The following SPTLC1 variants were observed in gnomAD, a reference collection of about 807,000 sequenced individuals.
SPTLC1 encodes serine palmitoyltransferase long chain base subunit 1, also known as serine palmitoyltransferase 1.
Under a neutral mutation model 68.9 loss-of-function variants are expected in SPTLC1, and 55 were observed. The ratio of observed to expected loss-of-function variants is 0.80; its 90% CI spans 0.64 to 1.00. SPTLC1 has a LOEUF of 1.00. Ranked by LOEUF, SPTLC1 falls within the 50% of genes least tolerant of loss-of-function variation. The pLI is 0.00. For synonymous variants in SPTLC1, 197 were observed against 201.6 expected (o/e 0.98, Z 0.19); for missense variants, 449 against 573.1 (o/e 0.78, Z 2.21).
intron 8 of SPTLC1, among the ~76,000 whole-genome samples, chr9:92,053,071 C>T (rs11790093): frequency 6.6e-6 from 1 of 150,392 alleles, no homozygotes; most frequent in Non-Finnish European, 1.5e-5. Flanking sequence ...AAAAAATGGG[C>T]AAAGCACCTG....
intron 14 of SPTLC1, among the ~76,000 whole-genome samples, chr9:92,033,036 A>G (rs1316509461): frequency 6.6e-6 from 1 of 152,174 alleles, no homozygotes; most frequent in African/African-American, 2.4e-5. Flanking sequence ...AGGCCTGTCT[A>G]TTCATGTACC....
intron 8 of SPTLC1, chr9:92,054,157 T>C (rs1833803318): frequency 6.5e-6 from 1 of 154,274 alleles, no homozygotes; most frequent in Non-Finnish European, 1.4e-5. Flanking sequence ...GGCACATGCT[T>C]GTAATCCCAG....
intron 3 of SPTLC1, among the ~76,000 whole-genome samples, chr9:92,103,244 A>C (rs973283946): frequency 2.6e-5 from 4 of 152,178 alleles, no homozygotes; most frequent in Non-Finnish European, 4.4e-5. Context: ...GCTCCATTAG[A>C]AGAGCAATGT....
At chr9:92,063,973 T>C (rs1446135976) in intron 6 of SPTLC1, among the ~76,000 whole-genome samples, 5 of 152,222 alleles carry the variant, frequency 3.3e-5, no homozygotes, top group Non-Finnish European at 5.9e-5. Context: ...CTTACTACTT[T>C]TAACACAGTC....
At position 92,055,385 on chromosome 9, in the gene SPTLC1, A is replaced by T; in HGVS notation, c.780+20T>A. 1 of 1,612,666 alleles carries T rather than the reference A, an allele frequency of 6.2e-7. No individual in the cohort carries two copies. Among genetic ancestry groups the T allele is most frequent in the South Asian group, 1.1e-5 (1 of 91,084 alleles). ...CAAATAGTCCAAATATTAAAATTAC[A>T]GCTGAACATGGTTGCTTACCAATTC... On this transcript the variant is annotated intron_variant, in intron 8 of 14. Transcript: ENST00000262554.
intron 3 of SPTLC1, among the ~76,000 whole-genome samples, chr9:92,102,883 CAT>C (rs1021052658): frequency 1.1e-4 from 16 of 152,272 alleles, no homozygotes; most frequent in African/African-American, 3.4e-4. Context: ...GTTTTTCATA[CAT>C]GTTTCCCTAG....
chr9:92,034,694 T>C, intron 14 of SPTLC1, 116 bp downstream of exon 14: 3 of 845,946 alleles, frequency 3.5e-6, no homozygotes, highest in Non-Finnish European at 6.1e-6. Context: ...TATATTTTAA[T>C]GACAGATATT....
chr9:92,100,466 AC>A (rs976662190), intron 3 of SPTLC1, among the ~76,000 whole-genome samples: 3 of 152,060 alleles, frequency 2.0e-5, no homozygotes, highest in African/African-American at 7.2e-5. Flanking sequence ...CTAGAAACAA[AC>A]TCTCAAAGAG....
rs189681011 is a variant in SPTLC1 at position 92,080,918 on chromosome 9, G to A, written c.306C>T (p.Asn102=). 6.4e-7 allele frequency: 1 copy of A among 1,569,306 alleles called. No individual in the cohort carries two copies. Among genetic ancestry groups the A allele is most frequent in the African/African-American group, 1.3e-5 (1 of 74,112 alleles). ...KTVVNGKECI[N]FASFNFLGLL... ...ATCCAAGAAAATTAAATGAGGCGAA[G>A]TTTATACATTCTTTTCCATTCACCA... is the stretch of plus-strand genomic sequence containing the variant. The change falls in exon 4 of 15, where the codon AAC becomes AAT. Residue 102 remains asparagine (N), a synonymous_variant. Transcript: ENST00000262554.
chr9:92,084,041 T>C (rs1251564226), intron 3 of SPTLC1, among the ~76,000 whole-genome samples: 3 of 152,054 alleles, frequency 2.0e-5, no homozygotes, highest in Admixed American at 2.0e-4. Context: ...GGCTCTCTGT[T>C]TGTCTGTTAT....
chr9:92,092,305 T>C (rs1394671467), intron 3 of SPTLC1, among the ~76,000 whole-genome samples: 1 of 152,156 alleles, frequency 6.6e-6, no homozygotes, highest in African/African-American at 2.4e-5. Flanking sequence ...ATCCAGAACA[T>C]GTTTTTTAAT....
At chr9:92,076,726 C>T (rs922136221) in intron 5 of SPTLC1, 1 of 152,202 alleles carries the variant, frequency 6.6e-6, no homozygotes, top group Non-Finnish European at 1.5e-5. Flanking sequence ...GCATCAAGCA[C>T]GACAATTTAT....
intron 5 of SPTLC1, 132 bp downstream of exon 5, chr9:92,079,884 G>A (rs1834817820): frequency 3.7e-6 from 3 of 801,894 alleles, no homozygotes; most frequent in Non-Finnish European, 6.5e-6. Flanking sequence ...CAAATTCCTG[G>A]GCTCAAGGAA....
In SPTLC1 at chr9:92,103,189, C is replaced by T. The variant is rs570592067; in HGVS notation, c.260+5551G>A. 5.9e-5 allele frequency among the ~76,000 whole-genome samples: 9 copies of T among 152,288 alleles called. No homozygotes were observed. The South Asian group carries it at 1.5e-3, about 25-fold the overall frequency. ...TGATCTAGAACATAATCTTTACATA[C>T]GTGGATCCTTCCCATCAGACGAGAA... On this transcript the variant is annotated intron_variant, in intron 3 of 14. Coordinates refer to ENST00000262554, the MANE Select transcript of SPTLC1 (RefSeq NM_006415.4).
chr9:92,046,426 T>G (rs1239349545), intron 11 of SPTLC1: 1 of 198,586 alleles, frequency 5.0e-6, no homozygotes, highest in Non-Finnish European at 1.0e-5. Flanking sequence ...TTTTACAATC[T>G]TTTCTTGATA....
At chr9:92,055,201 G>A in intron 8 of SPTLC1, 2 of 984,368 alleles carry the variant, frequency 2.0e-6, no homozygotes, top group Non-Finnish European at 2.4e-6. Flanking sequence ...ACTCCAGCCT[G>A]GGCAACAGAG....
rs1420623692 is a variant in SPTLC1, at chr9:92,038,357, C to T, written c.1145G>A (p.Gly382Glu). ...AAGGGACTCCCCCACCACTTTTAAT[C>T]CAGAAATGCTGAAGAAGGGAAACAC... ...QIHKALQGIS[G>E]LKVVGESLSP... The change falls in exon 13 of 15, where the codon GGA (glycine) becomes GAA (glutamate). Residue 382 changes from glycine (G) to glutamate (E), a missense_variant. This residue lies in a region of SPTLC1 where 391 missense variants were observed against 472.1 expected (regional missense o/e 0.83). Transcript: ENST00000262554. 1 of 1,609,112 alleles carries T rather than the reference C, an allele frequency of 6.2e-7. No homozygotes were observed. The highest frequency in any genetic ancestry group is 1.7e-5 in the Admixed American group (1 of 60,006).
intron 3 of SPTLC1, chr9:92,108,518 G>C: frequency 1.9e-6 from 1 of 540,194 alleles, no homozygotes; most frequent in Non-Finnish European, 3.3e-6. Flanking sequence ...TGCATTCTTG[G>C]AAAAAAGGGC....
intron 8 of SPTLC1, chr9:92,055,091 G>T: frequency 3.4e-6 from 1 of 296,936 alleles, no homozygotes; most frequent in Non-Finnish European, 5.0e-6. Flanking sequence ...CAGGTGTGGT[G>T]GCATGTGCCT....
Sources: gnomAD v4.1 joint callset for allele counts (sites outside exome capture counted in the v4.1 genomes callset) on GRCh38, gnomAD v4.1.1 for gene constraint, gnomAD v4.1.1 regional missense constraint, MANE v1.5 for transcripts, NCBI Gene and HGNC (gene_info 2026-07-23, HGNC 2026-07-21) for gene names.